RAPGEF5: variants seen among roughly 807,000 people sequenced by gnomAD.
RAPGEF5 encodes the protein Rap guanine nucleotide exchange factor 5.
In RAPGEF5, 65 loss-of-function variants were observed where a neutral mutation model predicts 125.2. The observed-to-expected ratio is 0.52, with a 90% CI of 0.43 to 0.64. The LOEUF (loss-of-function observed/expected upper bound fraction) is 0.64. Among genes scored for constraint, RAPGEF5 ranks in the 30% least tolerant of loss-of-function variants. RAPGEF5 has a pLI of 0.00. For synonymous variants in RAPGEF5, 391 were observed against 385.9 expected (o/e 1.01, Z -0.16); for missense variants, 958 against 1,048.1 (o/e 0.91, Z 1.19).
chr7:22,253,377 C>T (rs1336965510), intron 7 of RAPGEF5, among the ~76,000 whole-genome samples: 1 of 152,000 alleles, frequency 6.6e-6, no homozygotes, highest in Non-Finnish European at 1.5e-5. Flanking sequence ...GACACAGTAT[C>T]GAGGATGTGG....
At chr7:22,230,009 A>G (rs1206839902) in intron 8 of RAPGEF5, among the ~76,000 whole-genome samples, 7 of 152,358 alleles carry the variant, frequency 4.6e-5, no homozygotes, top group Non-Finnish European at 8.8e-5. Context: ...GAGAAATAAA[A>G]TTGCATTCAA....
chr7:22,165,175 C>A (rs915095346), intron 12 of RAPGEF5, among the ~76,000 whole-genome samples: 3 of 152,064 alleles, frequency 2.0e-5, no homozygotes, highest in Non-Finnish European at 4.4e-5. Context: ...AAAATCTGAA[C>A]TAAATTTGTG....
intron 1 of RAPGEF5, among the ~76,000 whole-genome samples, chr7:22,354,205 A>G (rs9886056): frequency 0.17 from 26,209 of 152,260 alleles, 2,514 homozygotes; most frequent in East Asian, 0.22. Context: ...CCAGGGCAGC[A>G]TGGATAAGGA....
intron 9 of RAPGEF5, among the ~76,000 whole-genome samples, chr7:22,204,441 C>CGT (rs933836111): frequency 1.3e-5 from 2 of 152,124 alleles, no homozygotes; most frequent in Non-Finnish European, 2.9e-5. Context: ...CATGTGTGTA[C>CGT]GTGAGGAAAT....
chr7:22,148,274 A>C (rs1166039395), intron 18 of RAPGEF5, among the ~76,000 whole-genome samples: 1 of 152,234 alleles, frequency 6.6e-6, no homozygotes, highest in Non-Finnish European at 1.5e-5. Context: ...TGGAGGTGTC[A>C]GGATACTTCT....
At chr7:22,277,290 A>G (rs1782579286) in intron 6 of RAPGEF5, among the ~76,000 whole-genome samples, 1 of 152,248 alleles carries the variant, frequency 6.6e-6, no homozygotes, top group African/African-American at 2.4e-5. Context: ...TCTGACATTC[A>G]AAAGAGAACT....
chr7:22,133,124 C>T (rs1782966183), intron 23 of RAPGEF5, among the ~76,000 whole-genome samples: 1 of 152,230 alleles, frequency 6.6e-6, no homozygotes, highest in African/African-American at 2.4e-5. Context: ...AATCTCTCCT[C>T]TTCCTAGGTA....
intron 11 of RAPGEF5, chr7:22,192,336 C>T (rs1324336068): frequency 6.6e-6 from 1 of 151,814 alleles, no homozygotes; most frequent in Non-Finnish European, 1.5e-5. Context: ...GTTTTTTTGC[C>T]CACTTATGTA....
intron 9 of RAPGEF5, among the ~76,000 whole-genome samples, chr7:22,216,934 T>C (rs1160714964): frequency 6.6e-6 from 1 of 152,250 alleles, no homozygotes; most frequent in African/African-American, 2.4e-5. Flanking sequence ...CTGAGAAAGC[T>C]GTAATCCCCT....
At chr7:22,329,493 C>T (rs763741850) in intron 1 of RAPGEF5, among the ~76,000 whole-genome samples, 1 of 152,104 alleles carries the variant, frequency 6.6e-6, no homozygotes, top group East Asian at 1.9e-4. Context: ...CTAGTCCAGA[C>T]ACATGATGAA....
intron 6 of RAPGEF5, among the ~76,000 whole-genome samples, chr7:22,279,316 T>C (rs1222462080): frequency 6.6e-6 from 1 of 152,226 alleles, no homozygotes; most frequent in Non-Finnish European, 1.5e-5. Flanking sequence ...TTGAACTTTA[T>C]TCCTTGATAT....
At chr7:22,331,140 C>T (rs1281985773) in intron 1 of RAPGEF5, among the ~76,000 whole-genome samples, 1 of 152,136 alleles carries the variant, frequency 6.6e-6, no homozygotes, top group African/African-American at 2.4e-5. Context: ...GATAGCAACC[C>T]GTGGGAGGAA....
At chr7:22,131,732 T>G (rs928031917) in intron 23 of RAPGEF5, among the ~76,000 whole-genome samples, 1 of 152,166 alleles carries the variant, frequency 6.6e-6, no homozygotes, top group Non-Finnish European at 1.5e-5. Context: ...ACAATGAAAG[T>G]GCATTTTCAG....
At chr7:22,171,376 A>G (rs561476074) in intron 11 of RAPGEF5, among the ~76,000 whole-genome samples, 1 of 152,380 alleles carries the variant, frequency 6.6e-6, no homozygotes, top group East Asian at 1.9e-4. Context: ...CATTTAAACA[A>G]ATTCATAGTT....
At chr7:22,199,793 G>A (rs1462599223) in intron 9 of RAPGEF5, among the ~76,000 whole-genome samples, 2 of 152,120 alleles carry the variant, frequency 1.3e-5, no homozygotes, top group African/African-American at 4.8e-5. Context: ...TGACATTCTA[G>A]AAAGGCGACT....
chr7:22,270,341 C>A (rs760389572), intron 6 of RAPGEF5, among the ~76,000 whole-genome samples: 42 of 152,190 alleles, frequency 2.8e-4, no homozygotes, highest in Non-Finnish European at 4.6e-4. Context: ...GTGAGACAGA[C>A]CCGGTACCAA....
intron 24 of RAPGEF5, among the ~76,000 whole-genome samples, chr7:22,127,300 A>C (rs988807151): frequency 2.6e-5 from 4 of 152,082 alleles, no homozygotes; most frequent in Non-Finnish European, 5.9e-5. Flanking sequence ...TGGCCTCCCA[A>C]AGGGCTGGGA....
At chr7:22,140,233 A>G in intron 20 of RAPGEF5, 118 bp from the exon 21 acceptor site, 1 of 868,586 alleles carries the variant, frequency 1.2e-6, no homozygotes, top group Non-Finnish European at 1.8e-6. Flanking sequence ...TCTGCTCTAC[A>G]GCCTACGTAC....
intron 7 of RAPGEF5, among the ~76,000 whole-genome samples, chr7:22,259,785 A>G (rs554744112): frequency 6.6e-6 from 1 of 152,386 alleles, no homozygotes; most frequent in South Asian, 2.1e-4. Context: ...AAAGACAACA[A>G]CTACGGAGAG....
Sources: allele counts gnomAD v4.1 joint callset (sites outside exome capture counted in the v4.1 genomes callset), GRCh38; gene constraint gnomAD v4.1.1; transcripts MANE v1.5; gene names NCBI Gene and HGNC (gene_info 2026-07-23, HGNC 2026-07-21).